Variants in GALNT8 observed in about 807,000 individuals in gnomAD.
GALNT8 encodes the protein polypeptide N-acetylgalactosaminyltransferase 8.
GALNT8 carries 66 observed loss-of-function variants against 62.7 expected under a neutral mutation model. The observed-to-expected ratio is 1.05, with a 90% CI of 0.86 to 1.29. The LOEUF (loss-of-function observed/expected upper bound fraction) is 1.29. GALNT8 is among the 50% of genes most tolerant of loss of function. The pLI, the probability that GALNT8 is intolerant of heterozygous loss-of-function variation, is 0.00. For synonymous variants in GALNT8, 288 were observed against 294.3 expected, an observed-to-expected ratio of 0.98 and a Z score of 0.22; for missense variants, 771 against 791.8, an observed-to-expected ratio of 0.97 and a Z score of 0.32.
At position 4,739,277 on chromosome 12, in the gene GALNT8, G is replaced by A. The variant is rs573195323; in HGVS notation, c.624G>A (p.Thr208=). 5 of 1,613,650 alleles carry A rather than the reference G, an allele frequency of 3.1e-6. No individual in the cohort carries two copies. Among genetic ancestry groups the A allele is most frequent in the Middle Eastern group, 3.3e-4 (2 of 6,062 alleles). The stretch of plus-strand genomic sequence containing the variant: ...CCATCACCAGTATCATCAACCGGAC[G>A]CCCTCTCGATTGTTGAAGGAAATCA... ...QRAITSIINR[T]PSRLLKEIIL... Residue 208 remains threonine (T), a synonymous_variant, in exon 3 of 11, where the codon ACG becomes ACA. Transcript: ENST00000252318.
chr12:4,726,395 C>T lies in GALNT8; in HGVS notation c.212-137C>T. The T allele has an allele frequency of 1.6e-6, 1 of 641,526 alleles. No homozygotes were observed. 39.7% of individuals were successfully genotyped at this position (641,526 alleles called of 1,614,324 possible). ...GGATAAGTTCCCTGACATACTACAT[C>T]CTCTGTGACAAGAGCTTATAAGTTT... On this transcript the variant is annotated intron_variant, in intron 1 of 10. Transcript: ENST00000252318. The surrounding 1 kb of genome is among the most constrained non-coding windows in gnomAD (Gnocchi z 4.1).
At chr12:4,746,381 AT>A (rs1417563970) in intron 6 of GALNT8, 123 bp downstream of exon 6, 2 of 669,242 alleles carry the variant, frequency 3.0e-6, no homozygotes, top group Admixed American at 4.7e-5. Flanking sequence ...ATACATTCTT[AT>A]GTTTCTAGGC....
chr12:4,737,605 C>G (rs1469570692), intron 2 of GALNT8, among the ~76,000 whole-genome samples: 1 of 152,170 alleles, frequency 6.6e-6, no homozygotes, highest in Non-Finnish European at 1.5e-5. Context: ...TTGTGATAGC[C>G]TAACTGCTGT....
rs145966164 is a variant in GALNT8 at position 4,762,506 on chromosome 12, G to A, written c.1360-747G>A. The stretch of plus-strand genomic sequence containing the variant: ...GTATTCCTTCCAAAAGCCTTTTCTG[G>A]CCATATCATGAGGAGTATGTTGGGT... On this transcript the variant is annotated intron_variant, in intron 7 of 10. Transcript: ENST00000252318. Among the ~76,000 whole-genome samples, 357 of 152,270 alleles carry A rather than the reference G, an allele frequency of 2.3e-3. 4 individuals carry two copies. Among genetic ancestry groups the A allele is most frequent in the East Asian group, 0.018 (95 of 5,180 alleles).
chr12:4,755,957 A>C (rs1946343050), intron 6 of GALNT8, among the ~76,000 whole-genome samples: 2 of 152,234 alleles, frequency 1.3e-5, no homozygotes, highest in Admixed American at 6.5e-5. Flanking sequence ...TACCTAGGAC[A>C]GAAAGCTCTT....
In GALNT8 at chr12:4,749,939, C is replaced by T. The variant is rs1946315518; in HGVS notation, c.1173+3681C>T. Among the ~76,000 whole-genome samples the T allele has an allele frequency of 6.6e-6, 1 of 151,968 alleles. No individual in the cohort carries two copies. Among genetic ancestry groups the T allele is most frequent in the Non-Finnish European group, 1.5e-5 (1 of 67,990 alleles). On this transcript the variant is annotated intron_variant, in intron 6 of 10. Transcript: ENST00000252318. This position sits in a 1 kb window ranked among gnomAD's most constrained non-coding sequence, Gnocchi z 4.1. ...ATTTGTCCATTTCTTCTAGATTTTC[C>T]AACTTGTTGGCATACAGTTGCTTAT...
At chr12:4,756,577 C>T (rs921411554) in intron 6 of GALNT8, among the ~76,000 whole-genome samples, 8 of 151,798 alleles carry the variant, frequency 5.3e-5, no homozygotes, top group African/African-American at 1.7e-4. Context: ...ACCTTTTTTC[C>T]CCCTCCAAGC....
chr12:4,756,424 G>A (rs765986530), intron 6 of GALNT8, among the ~76,000 whole-genome samples: 15 of 152,214 alleles, frequency 9.9e-5, no homozygotes, highest in Admixed American at 5.9e-4. Flanking sequence ...AGTATGGTGA[G>A]TGACATATGG....
intron 2 of GALNT8, among the ~76,000 whole-genome samples, chr12:4,727,516 A>G (rs1325069282): frequency 6.6e-6 from 1 of 152,172 alleles, no homozygotes; most frequent in Non-Finnish European, 1.5e-5. Flanking sequence ...ACATTTTCCT[A>G]CAACTTCCTC....
chr12:4,722,586 T>C (rs2137515314), intron 1 of GALNT8, among the ~76,000 whole-genome samples: 1 of 152,330 alleles, frequency 6.6e-6, no homozygotes, highest in Non-Finnish European at 1.5e-5. Context: ...GTCTAATGCC[T>C]CTGAATTTTA....
intron 10 of GALNT8, chr12:4,768,450 T>C (rs559553132): frequency 5.3e-6 from 2 of 375,408 alleles, no homozygotes; most frequent in South Asian, 4.3e-5. Context: ...AGCCTACCAT[T>C]ACTAAATAAA....
In GALNT8 at chr12:4,749,022, T is replaced by C. The variant is rs1946312044; in HGVS notation, c.1173+2764T>C. ...AGATTTCTTTTCAGATTGTTCACTA[T>C]TGGCATAGAAATGCTACTGATTTTT... On this transcript the variant is annotated intron_variant, in intron 6 of 10. Transcript: ENST00000252318. The surrounding 1 kb of genome is among the most constrained non-coding windows in gnomAD (Gnocchi z 4.1). Among the ~76,000 whole-genome samples, 1 of 152,220 alleles carries C rather than the reference T, an allele frequency of 6.6e-6. No homozygotes were observed. The highest frequency in any genetic ancestry group is 2.4e-5 in the African/African-American group (1 of 41,472).
intron 9 of GALNT8, among the ~76,000 whole-genome samples, chr12:4,764,466 C>T (rs1419766286): frequency 6.7e-6 from 1 of 150,056 alleles, no homozygotes; most frequent in African/African-American, 2.5e-5. Flanking sequence ...AGGATAGAGG[C>T]TGAGCAGACG....
chr12:4,731,739 A>G (rs1270205911), intron 2 of GALNT8, among the ~76,000 whole-genome samples: 1 of 152,174 alleles, frequency 6.6e-6, no homozygotes, highest in Non-Finnish European at 1.5e-5. Context: ...TATTGAGATG[A>G]TCATATAGTT....
At chr12:4,756,224 T>C (rs1591572240) in intron 6 of GALNT8, among the ~76,000 whole-genome samples, 1 of 152,196 alleles carries the variant, frequency 6.6e-6, no homozygotes, top group African/African-American at 2.4e-5. Context: ...GGGTTTGTGA[T>C]TGTTCTTGGT....
At chr12:4,769,884 T>A (rs930244845) in intron 10 of GALNT8, among the ~76,000 whole-genome samples, 7 of 152,078 alleles carry the variant, frequency 4.6e-5, no homozygotes, top group African/African-American at 1.4e-4. Flanking sequence ...TTTTAAAGTA[T>A]TTTATATACT....
intron 6 of GALNT8, among the ~76,000 whole-genome samples, chr12:4,754,710 C>G (rs1434365465): frequency 6.6e-6 from 1 of 152,038 alleles, no homozygotes; most frequent in Admixed American, 6.5e-5. Context: ...GAGCTGGTAC[C>G]TAAAGCCAGC....
intron 2 of GALNT8, among the ~76,000 whole-genome samples, chr12:4,733,183 G>A (rs1023786235): frequency 6.6e-6 from 1 of 152,206 alleles, no homozygotes; most frequent in African/African-American, 2.4e-5. Context: ...GGTTACATTA[G>A]CCGTATTATA....
At chr12:4,756,258 G>A (rs1337717145) in intron 6 of GALNT8, among the ~76,000 whole-genome samples, 1 of 152,092 alleles carries the variant, frequency 6.6e-6, no homozygotes, top group Non-Finnish European at 1.5e-5. Context: ...TCATCTTCCA[G>A]CCTAAGGCCG....
Sources: gnomAD v4.1 joint callset for allele counts (sites outside exome capture counted in the v4.1 genomes callset) on GRCh38, gnomAD v4.1.1 for gene constraint, Gnocchi (gnomAD v3.1) non-coding constraint, MANE v1.5 for transcripts, NCBI Gene and HGNC (gene_info 2026-07-23, HGNC 2026-07-21) for gene names.